COL6A5: variants seen among roughly 807,000 people sequenced by gnomAD.
COL6A5 encodes the protein collagen type VI alpha 5 chain.
A neutral mutation model predicts 65.6 loss-of-function variants in COL6A5; 48 were observed. The observed-to-expected ratio is 0.73, with a 90% CI of 0.58 to 0.93. COL6A5 has a LOEUF of 0.93. Ranked by LOEUF, COL6A5 falls within the 40% of genes least tolerant of loss-of-function variation. COL6A5 has a pLI of 0.00. For missense variants in COL6A5, 914 were observed against 928.3 expected (o/e 0.98, Z 0.20); for synonymous variants, 291 against 322.8 (o/e 0.90, Z 1.05).
At chr3:130,406,139 T>C in exon 16 of COL6A5, 12 of 1,549,740 alleles carry the variant, frequency 7.7e-6, no homozygotes, top group Non-Finnish European at 1.0e-5. Flanking sequence ...AGGGAGGTCA[T>C]GGAGACGATG....
At chr3:130,457,626 G>T (rs143490398) in intron 5 of COL6A5, among the ~76,000 whole-genome samples, 3,431 of 152,190 alleles carry the variant, frequency 0.023, 77 homozygotes, top group Non-Finnish European at 0.031. Flanking sequence ...TCAGGTTGGG[G>T]TAGCCTGGAA....
Position 130,384,795 on chromosome 3 carries a change from C to G in COL6A5, c.1301-9C>G. 1 of 1,521,048 alleles carries G rather than the reference C, an allele frequency of 6.6e-7. No individual in the cohort carries two copies. The highest frequency in any genetic ancestry group is 1.4e-5 in the African/African-American group (1 of 71,750). 94.2% of individuals were successfully genotyped at this position (1,521,048 alleles called of 1,614,324 possible). ...TCTCTAATTTACAGAGAATGCACTT[C>G]TTTTTCAGGCTGTGTGGATACAAAA... On this transcript the variant is annotated splice_polypyrimidine_tract_variant and intron_variant and NMD_transcript_variant, in intron 4 of 41. Transcript: ENST00000312481.
intron 20 of COL6A5, among the ~76,000 whole-genome samples, chr3:130,412,429 C>T (rs1255035512): frequency 6.6e-6 from 1 of 152,138 alleles, no homozygotes; most frequent in East Asian, 1.9e-4. Context: ...GGGCAATTGC[C>T]CTGTGCCACA....
intron 24 of COL6A5, 27 bp downstream of exon 24, chr3:130,416,846 C>T: frequency 8.6e-7 from 1 of 1,164,774 alleles, no homozygotes; most frequent in Non-Finnish European, 1.2e-6. Context: ...TTTTTTAATT[C>T]TTTTAAAAAC....
chr3:130,482,432 G>C (rs992818510), intron 7 of COL6A5, among the ~76,000 whole-genome samples: 1 of 152,194 alleles, frequency 6.6e-6, no homozygotes, highest in African/African-American at 2.4e-5. Context: ...ATACCATGCT[G>C]TTTTGGTTAC....
At chr3:130,440,796 T>G (rs572630219) in exon 3 of COL6A5, 2 of 1,612,354 alleles carry the variant, frequency 1.2e-6, no homozygotes, top group Non-Finnish European at 1.7e-6. Context: ...ATTGCGAAGT[T>G]CTTAAAGCCA....
chr3:130,397,481 A>T (rs1936642049), intron 8 of COL6A5, 102 bp from the exon 9 acceptor site: 2 of 804,374 alleles, frequency 2.5e-6, no homozygotes, highest in East Asian at 5.4e-5. Flanking sequence ...GGGACTAGAG[A>T]CCCTCTAGCT....
chr3:130,391,989 C>T (rs867396824), intron 7 of COL6A5, among the ~76,000 whole-genome samples: 12 of 152,142 alleles, frequency 7.9e-5, no homozygotes, highest in African/African-American at 2.4e-4. Flanking sequence ...AGATGCATTC[C>T]GTGGCATTTT....
At chr3:130,348,494 GT>G (rs1323178723) in intron 1 of COL6A5, among the ~76,000 whole-genome samples, 6 of 152,276 alleles carry the variant, frequency 3.9e-5, no homozygotes, top group African/African-American at 1.4e-4. Flanking sequence ...TGGTGTATAT[GT>G]GCCACATTTT....
intron 26 of COL6A5, 37 bp from the exon 27 acceptor site, chr3:130,421,288 A>G (rs1350026320): frequency 6.5e-7 from 1 of 1,548,578 alleles, no homozygotes; most frequent in Non-Finnish European, 8.7e-7. Context: ...CAGAAGTGAT[A>G]TGTTGATGTA....
intron 17 of COL6A5, among the ~76,000 whole-genome samples, chr3:130,408,649 T>C (rs111746992): frequency 2.7e-5 from 4 of 150,016 alleles, no homozygotes; most frequent in African/African-American, 7.6e-5. Flanking sequence ...AAACCCCTAA[T>C]AAAAACTTGC....
intron 7 of COL6A5, among the ~76,000 whole-genome samples, chr3:130,476,518 A>T (rs1710101677): frequency 6.6e-6 from 1 of 152,118 alleles, no homozygotes; most frequent in Admixed American, 6.6e-5. Context: ...TGAAAAGTCC[A>T]AAGTCTAGCC....
chr3:130,447,580 A>T (rs1261734087), intron 4 of COL6A5, among the ~76,000 whole-genome samples: 4 of 152,172 alleles, frequency 2.6e-5, no homozygotes, highest in Non-Finnish European at 5.9e-5. Context: ...AATATGTGTA[A>T]TATAGAAAGG....
chr3:130,430,713 C>T (rs983409476), upstream of COL6A5, among the ~76,000 whole-genome samples: 2 of 152,184 alleles, frequency 1.3e-5, no homozygotes, highest in Non-Finnish European at 2.9e-5. Context: ...CCTCTTGCCA[C>T]CCTGGCCTTC....
At chr3:130,417,852 T>C (rs1422837352) in intron 24 of COL6A5, among the ~76,000 whole-genome samples, 1 of 152,118 alleles carries the variant, frequency 6.6e-6, no homozygotes, top group Non-Finnish European at 1.5e-5. Flanking sequence ...GAGTTTTCCT[T>C]TTACACTGAG....
chr3:130,459,184 A>G (rs1289724244), intron 5 of COL6A5, among the ~76,000 whole-genome samples: 1 of 152,032 alleles, frequency 6.6e-6, no homozygotes, highest in African/African-American at 2.4e-5. Flanking sequence ...GATAACTTCA[A>G]CTGATGTTCG....
Position 130,380,069 on chromosome 3 carries a change from T to A in COL6A5, c.1300+19T>A. 6.9e-7 allele frequency: 1 copy of A among 1,449,026 alleles called. No homozygotes were observed. Among genetic ancestry groups the A allele is most frequent in the Non-Finnish European group, 9.2e-7 (1 of 1,086,244 alleles). 89.8% of individuals were successfully genotyped at this position (1,449,026 alleles called of 1,614,324 possible). ...AAAACTGGTATGTTTTTTAAAATAC[T>A]TTTCTAATTATAAAATTAATATAAG... On this transcript the variant is annotated intron_variant and NMD_transcript_variant, in intron 4 of 41. Transcript: ENST00000312481.
At chr3:130,376,457 C>A in exon 3 of COL6A5, 5 of 1,612,266 alleles carry the variant, frequency 3.1e-6, no homozygotes, top group Non-Finnish European at 4.2e-6. Context: ...TGCTGAACCA[C>A]CTCAAGAAGA....
At chr3:130,383,350 A>G (rs955412868) in intron 4 of COL6A5, among the ~76,000 whole-genome samples, 4 of 152,208 alleles carry the variant, frequency 2.6e-5, no homozygotes, top group African/African-American at 9.6e-5. Context: ...TGTATTGGAT[A>G]GCACAGCCCT....
Sources: allele counts gnomAD v4.1 joint callset (sites outside exome capture counted in the v4.1 genomes callset), GRCh38; gene constraint gnomAD v4.1.1; transcripts MANE v1.5; gene names NCBI Gene and HGNC (gene_info 2026-07-23, HGNC 2026-07-21).